Variants in PIEZO2 observed in about 807,000 individuals in gnomAD.
PIEZO2 encodes the protein piezo-type mechanosensitive ion channel component 2.
In PIEZO2, 172 loss-of-function variants were observed where a neutral mutation model predicts 337.3. The ratio of observed to expected loss-of-function variants is 0.51; its 90% CI spans 0.45 to 0.58. PIEZO2 has a LOEUF of 0.58. Among genes scored for constraint, PIEZO2 ranks in the 20% least tolerant of loss-of-function variants. The pLI is 0.00. For synonymous variants in PIEZO2, 1,251 were observed against 1,228.5 expected, an observed-to-expected ratio of 1.02 and a Z score of -0.38; for missense variants, 3,028 against 3,391.3, an observed-to-expected ratio of 0.89 and a Z score of 2.66.
intron 49 of PIEZO2, among the ~76,000 whole-genome samples, chr18:10,688,610 C>A (rs982225558): frequency 1.3e-5 from 2 of 152,174 alleles, no homozygotes; most frequent in African/African-American, 4.8e-5. Context: ...GCCTACCTGT[C>A]TTAATTCTGT....
chr18:10,894,063 G>A lies in PIEZO2; in HGVS notation c.329+17123C>T, dbSNP rs538339313. Reference sequence around the variant, plus strand: ...TCGCAGCCAGCAGCAAGGAAAGGCCGTCTCCGTATAGATAGAAAGACACCC... The same window carrying A: ...TCGCAGCCAGCAGCAAGGAAAGGCCATCTCCGTATAGATAGAAAGACACCC... On this transcript the variant is annotated intron_variant, in intron 4 of 55. Coordinates refer to ENST00000674853, the MANE Select transcript of PIEZO2 (RefSeq NM_001378183.1). This position sits in a 1 kb window ranked among gnomAD's most constrained non-coding sequence, Gnocchi z 4.1. Among the ~76,000 whole-genome samples the A allele has an allele frequency of 1.3e-5, 2 of 152,274 alleles. No individual in the cohort carries two copies. Among genetic ancestry groups the A allele is most frequent in the African/African-American group, 2.4e-5 (1 of 41,546 alleles).
intron 45 of PIEZO2, among the ~76,000 whole-genome samples, chr18:10,697,148 T>G (rs1281942735): frequency 6.6e-6 from 1 of 152,202 alleles, no homozygotes; most frequent in East Asian, 1.9e-4. Context: ...TGGCTCTTGC[T>G]TGTCTGTCTA....
rs2036442771 is a variant in PIEZO2 at position 10,724,435 on chromosome 18, G to A, written c.5030-6176C>T. On this transcript the variant is annotated intron_variant, in intron 36 of 55. Transcript: ENST00000674853. The surrounding 1 kb of genome is among the most constrained non-coding windows in gnomAD (Gnocchi z 5.8). The stretch of plus-strand genomic sequence containing the variant: ...GTGAAGTCTGCTGGAGGCAATGCAT[G>A]CTGCAGCCAATCAGACCCCTGGTAG... Among the ~76,000 whole-genome samples, 2 of 152,170 alleles carry A rather than the reference G, an allele frequency of 1.3e-5. No individual in the cohort carries two copies. The highest frequency in any genetic ancestry group is 2.4e-5 in the African/African-American group (1 of 41,440).
intron 21 of PIEZO2, chr18:10,769,817 C>A: frequency 9.8e-6 from 2 of 203,302 alleles, no homozygotes; most frequent in Admixed American, 5.8e-5. Context: ...AACTGGAATG[C>A]TACTGTTTTC....
chr18:10,996,819 C>T (rs1183034159), intron 2 of PIEZO2, among the ~76,000 whole-genome samples: 1 of 152,142 alleles, frequency 6.6e-6, no homozygotes, highest in Non-Finnish European at 1.5e-5. Flanking sequence ...ATTTTATGTA[C>T]ATACTTTATA....
intron 21 of PIEZO2, among the ~76,000 whole-genome samples, chr18:10,764,950 T>G (rs1568032992): frequency 6.6e-6 from 1 of 152,264 alleles, no homozygotes; most frequent in Non-Finnish European, 1.5e-5. Flanking sequence ...AAAGATGCTG[T>G]GAAATTAACT....
chr18:11,059,758 A>G (rs1354408828), intron 2 of PIEZO2, among the ~76,000 whole-genome samples: 1 of 152,230 alleles, frequency 6.6e-6, no homozygotes, highest in Non-Finnish European at 1.5e-5. Flanking sequence ...TTCATAAAGC[A>G]AGTCCTTAGA....
In PIEZO2 at chr18:10,808,417, C is replaced by T. The variant is rs2040068031; in HGVS notation, c.918-1143G>A. Among the ~76,000 whole-genome samples, 5 of 152,072 alleles carry T rather than the reference C, an allele frequency of 3.3e-5. No homozygotes were observed. The South Asian group carries it at 1.0e-3, about 32-fold the overall frequency. ...TGTTTGCACTTTTATATGTGAATTT[C>T]CTTTCATTTTTATCTTACATTCTTC... On this transcript the variant is annotated intron_variant, in intron 7 of 55. Coordinates refer to ENST00000674853, the MANE Select transcript of PIEZO2 (RefSeq NM_001378183.1).
At chr18:10,704,702 G>C in intron 41 of PIEZO2, 50 bp from the exon 42 acceptor site, 1 of 1,508,250 alleles carries the variant, frequency 6.6e-7, no homozygotes, top group Non-Finnish European at 8.8e-7. Flanking sequence ...TCTTCTTTTT[G>C]AGATGGAGTT....
At position 10,730,215 on chromosome 18, in the gene PIEZO2, AC is replaced by A. The variant is rs1757606109; in HGVS notation, c.5029+1191del. On this transcript the variant is annotated intron_variant, in intron 36 of 55. Transcript: ENST00000674853. ...AGTAGACCTACTACTTCACAATACA[AC>A]TCATGGTATATGTAAGTACTTATCT... Among the ~76,000 whole-genome samples, 5 of 152,222 alleles carry A rather than the reference AC, an allele frequency of 3.3e-5. No individual in the cohort carries two copies. The South Asian group carries it at 1.0e-3, about 32-fold the overall frequency.
At chr18:11,076,894 G>T (rs544653237) in intron 1 of PIEZO2, among the ~76,000 whole-genome samples, 1 of 152,192 alleles carries the variant, frequency 6.6e-6, no homozygotes, top group Non-Finnish European at 1.5e-5. Flanking sequence ...CTTTTAATAT[G>T]CTCTTCATCA....
rs2036911676 is a variant in PIEZO2 at position 11,035,911 on chromosome 18, T to C, written c.160+30216A>G. On this transcript the variant is annotated intron_variant, in intron 2 of 55. Transcript: ENST00000674853. This position sits in a 1 kb window ranked among gnomAD's most constrained non-coding sequence, Gnocchi z 4.3. The stretch of plus-strand genomic sequence containing the variant: ...GTCAGAGGAATGAACTCCAAATCTC[T>C]GCCACTTCCTATGTTTGCTTGTTAG... Among the ~76,000 whole-genome samples the C allele has an allele frequency of 6.6e-6, 1 of 152,232 alleles. No individual in the cohort carries two copies. Among genetic ancestry groups the C allele is most frequent in the Admixed American group, 6.5e-5 (1 of 15,278 alleles).
intron 3 of PIEZO2, among the ~76,000 whole-genome samples, chr18:10,967,299 G>A (rs1236762458): frequency 2.0e-5 from 3 of 152,146 alleles, no homozygotes; most frequent in Non-Finnish European, 4.4e-5. Context: ...TTACAGGTGT[G>A]AGCCACCATG....
At chr18:10,774,553 CTG>C (rs1417261565) in intron 18 of PIEZO2, among the ~76,000 whole-genome samples, 5 of 152,148 alleles carry the variant, frequency 3.3e-5, no homozygotes, top group African/African-American at 1.2e-4. Flanking sequence ...CGTGGGAAGA[CTG>C]TGTGAGATCC....
At chr18:11,117,193 G>A (rs1466571995) in intron 1 of PIEZO2, among the ~76,000 whole-genome samples, 3 of 152,210 alleles carry the variant, frequency 2.0e-5, no homozygotes, top group African/African-American at 7.2e-5. Flanking sequence ...TGCCTGAGGA[G>A]ATGGATATCC....
intron 3 of PIEZO2, among the ~76,000 whole-genome samples, chr18:10,934,345 C>G (rs2032257132): frequency 6.6e-6 from 1 of 152,174 alleles, no homozygotes; most frequent in African/African-American, 2.4e-5. Flanking sequence ...CAAGTCATCA[C>G]CAGGCGCAGA....
intron 3 of PIEZO2, among the ~76,000 whole-genome samples, chr18:10,970,413 G>A (rs1368785915): frequency 6.6e-6 from 1 of 152,218 alleles, no homozygotes; most frequent in Non-Finnish European, 1.5e-5. Flanking sequence ...GCACACGGGT[G>A]CCCAGGGCCC....
At chr18:10,720,311 G>GTA (rs1226439947) in intron 36 of PIEZO2, among the ~76,000 whole-genome samples, 2,292 of 119,544 alleles carry the variant, frequency 0.019, 48 homozygotes, top group South Asian at 0.046. Context: ...CTCTCTGTGT[G>GTA]TATATATATA....
intron 49 of PIEZO2, among the ~76,000 whole-genome samples, chr18:10,684,614 A>G (rs1044096019): frequency 3.3e-5 from 5 of 151,528 alleles, no homozygotes; most frequent in African/African-American, 1.2e-4. Flanking sequence ...ACAGGCACAC[A>G]TCACCACACC....
Sources: gnomAD v4.1 joint callset for allele counts (sites outside exome capture counted in the v4.1 genomes callset) on GRCh38, gnomAD v4.1.1 for gene constraint, Gnocchi (gnomAD v3.1) non-coding constraint, MANE v1.5 for transcripts, NCBI Gene and HGNC (gene_info 2026-07-23, HGNC 2026-07-21) for gene names.